DAG1: variants seen among roughly 807,000 people sequenced by gnomAD.
DAG1 encodes the protein dystroglycan 1 (dystrophin-associated glycoprotein 1).
DAG1 carries 8 observed loss-of-function variants against 46.1 expected under a neutral mutation model. The observed-to-expected ratio is 0.17, with a 90% CI of 0.10 to 0.31. DAG1 has a LOEUF of 0.31. Ranked by LOEUF, DAG1 falls within the 10% of genes least tolerant of loss-of-function variation. The probability of loss-of-function intolerance (pLI) is 1.00; values close to 1 mark genes in which losing one functional copy is unlikely to be tolerated. For missense variants in DAG1, 1,003 were observed against 1,189.9 expected (o/e 0.84, Z 2.31); for synonymous variants, 495 against 481.8 (o/e 1.03, Z -0.36).
At chr3:49,489,886 G>T (rs1303352606) in intron 1 of DAG1, among the ~76,000 whole-genome samples, 1 of 151,856 alleles carries the variant, frequency 6.6e-6, no homozygotes, top group Admixed American at 6.6e-5. Context: ...TGGACAAAGC[G>T]CTGGGGTTTG....
Position 49,522,475 on chromosome 3 carries a change from C to CT in DAG1, c.286-8308dup, listed in dbSNP as rs35370244. On this transcript the variant is annotated intron_variant, in intron 2 of 2. Coordinates refer to ENST00000308775, the MANE Select transcript of DAG1 (RefSeq NM_004393.6). ...CACCACGCCCGCCCCCCTCCCACCC[C>CT]TTTTTTTTTTTTTTAAGACTGCATC... Among the ~76,000 whole-genome samples, 401 of 132,084 alleles carry CT rather than the reference C, an allele frequency of 3.0e-3. 1 individual carries two copies. Among genetic ancestry groups the CT allele is most frequent in the African/African-American group, 7.3e-3 (265 of 36,524 alleles). 86.7% of individuals were successfully genotyped at this position (132,084 alleles called of 152,430 possible). A position where few individuals can be genotyped will look rare whatever the true frequency, so the allele number is the denominator to read the frequency against.
intron 2 of DAG1, among the ~76,000 whole-genome samples, chr3:49,521,348 G>A (rs963294028): frequency 6.6e-6 from 1 of 152,052 alleles, no homozygotes; most frequent in Non-Finnish European, 1.5e-5. Flanking sequence ...TGTATTTTTA[G>A]TAGAGACGGG....
At chr3:49,503,961 T>C (rs1475300022) in intron 1 of DAG1, among the ~76,000 whole-genome samples, 1 of 152,236 alleles carries the variant, frequency 6.6e-6, no homozygotes, top group African/African-American at 2.4e-5. Context: ...AATTCACAGT[T>C]GTTAGAAGAG....
chr3:49,477,550 C>G (rs1233172210), intron 1 of DAG1, among the ~76,000 whole-genome samples: 1 of 152,200 alleles, frequency 6.6e-6, no homozygotes. Context: ...GCCTCAGCCT[C>G]TCAAAGTGCT....
chr3:49,488,634 A>G (rs2050101999), intron 1 of DAG1: 3 of 151,698 alleles, frequency 2.0e-5, no homozygotes, highest in Admixed American at 2.0e-4. Flanking sequence ...AGGGATTCTC[A>G]TTCTGTCTCC....
intron 2 of DAG1, among the ~76,000 whole-genome samples, chr3:49,516,954 GAC>G (rs1400812305): frequency 6.6e-6 from 1 of 151,350 alleles, no homozygotes; most frequent in Non-Finnish European, 1.5e-5. Flanking sequence ...AGCTTGTAGG[GAC>G]AGAGTTAGTT....
intron 2 of DAG1, among the ~76,000 whole-genome samples, chr3:49,529,037 GATGGGGTT>G (rs1221772431): frequency 6.6e-6 from 1 of 152,052 alleles, no homozygotes; most frequent in Non-Finnish European, 1.5e-5. Flanking sequence ...TTTTAGTAGA[GATGGGGTT>G]TCGCCGTGTT....
intron 2 of DAG1, among the ~76,000 whole-genome samples, chr3:49,518,265 G>C (rs970651255): frequency 2.0e-5 from 3 of 152,206 alleles, no homozygotes; most frequent in African/African-American, 7.2e-5. Flanking sequence ...CATACTTGCT[G>C]ATTGGTTAGG....
At chr3:49,495,291 A>G (rs2050282330) in intron 1 of DAG1, among the ~76,000 whole-genome samples, 1 of 152,210 alleles carries the variant, frequency 6.6e-6, no homozygotes, top group Non-Finnish European at 1.5e-5. Flanking sequence ...ATGTATTAGT[A>G]TAAATACTTG....
chr3:49,501,015 G>A (rs2050435462), intron 1 of DAG1, among the ~76,000 whole-genome samples: 1 of 152,140 alleles, frequency 6.6e-6, no homozygotes, highest in African/African-American at 2.4e-5. Flanking sequence ...TAGGAAGCCA[G>A]CATCAGAAAG....
At chr3:49,484,073 A>G (rs2049952818) in intron 1 of DAG1, among the ~76,000 whole-genome samples, 1 of 152,176 alleles carries the variant, frequency 6.6e-6, no homozygotes, top group African/African-American at 2.4e-5. Context: ...CTAAAAATAG[A>G]ATTCATTAAA....
chr3:49,491,028 A>G (rs1373675327), intron 1 of DAG1, among the ~76,000 whole-genome samples: 2 of 151,562 alleles, frequency 1.3e-5, no homozygotes, highest in African/African-American at 4.9e-5. Flanking sequence ...CTGGGACTAC[A>G]GGCGCGCACT....
At chr3:49,504,924 TATTC>T (rs1234614319) in intron 1 of DAG1, among the ~76,000 whole-genome samples, 1 of 151,046 alleles carries the variant, frequency 6.6e-6, no homozygotes, top group Admixed American at 6.6e-5. Context: ...TTCCCTATTA[TATTC>T]CATTGGTCTA....
rs754748374 is a variant in DAG1, at chr3:49,510,818, A to G, written c.284A>G (p.Lys95Arg). The change falls in exon 2 of 3, where the codon AAG becomes AGG. Residue 95 changes from lysine (K) to arginine (R), a missense_variant and splice_region_variant. Physicochemically the swap from Lys to Arg is conservative, Grantham distance 26. Around this residue, in one of 3 missense-constraint regions of DAG1, gnomAD observed 196 missense variants for 239.1 expected, o/e 0.82. Coordinates refer to ENST00000308775, the MANE Select transcript of DAG1 (RefSeq NM_004393.6). ...DLIASSGDII[K>R]VSAAGKEALP... ...ATTGCCTCCAGTGGAGATATCATCA[A>G]GGTGAGACTGGATATAAAGCATAAA... 10 of 1,614,150 alleles carry G rather than the reference A, an allele frequency of 6.2e-6. No individual in the cohort carries two copies. Among genetic ancestry groups the G allele is most frequent in the South Asian group, 1.1e-5 (1 of 91,056 alleles).
At chr3:49,529,899 A>G (rs1318253492) in intron 2 of DAG1, among the ~76,000 whole-genome samples, 1 of 152,166 alleles carries the variant, frequency 6.6e-6, no homozygotes, top group East Asian at 1.9e-4. Context: ...CTCTGTGGAA[A>G]GGGACTTCCA....
Position 49,531,676 on chromosome 3 carries a change from C to T in DAG1, c.1165C>T (p.Arg389Trp), listed in dbSNP as rs761013011. The T allele has an allele frequency of 8.7e-6, 14 of 1,613,652 alleles. No individual in the cohort carries two copies. Among genetic ancestry groups the T allele is most frequent in the African/African-American group, 4.0e-5 (3 of 74,886 alleles). Residue 389 changes from arginine (R) to tryptophan (W), a missense_variant, in exon 3 of 3, where the codon CGG (arginine) becomes TGG (tryptophan). By Grantham distance (101) the Arg-to-Trp change is moderately radical. This residue lies in a region of DAG1 where 755 missense variants were observed against 854.1 expected (regional missense o/e 0.88). Coordinates refer to ENST00000308775, the MANE Select transcript of DAG1 (RefSeq NM_004393.6). This position sits in a 1 kb window ranked among gnomAD's most constrained non-coding sequence, Gnocchi z 7.0. Reference sequence around the variant, plus strand: ...AACCCTAGGCCCCATCCAGCCTACTCGGGTGTCAGAAGCTGGCACCACAGT... The same window carrying T: ...AACCCTAGGCCCCATCCAGCCTACTTGGGTGTCAGAAGCTGGCACCACAGT... Reference protein sequence around the residue: ...TPTLGPIQPTRVSEAGTTVPG... With the variant: ...TPTLGPIQPTWVSEAGTTVPG...
At position 49,531,246 on chromosome 3, in the gene DAG1, G is replaced by A. The variant is rs748164001; in HGVS notation, c.735G>A (p.Pro245=). 64 of 1,613,932 alleles carry A rather than the reference G, an allele frequency of 4.0e-5. No individual in the cohort carries two copies. The Middle Eastern group carries it at 1.3e-3, about 33-fold the overall frequency. ...LFDMSAFMAG[P]GNAKKVVENG... Reference sequence around the variant, plus strand: ...ACATGTCGGCCTTCATGGCTGGCCCGGGAAATGCAAAAAAGGTGGTGGAGA... The same window carrying A: ...ACATGTCGGCCTTCATGGCTGGCCCAGGAAATGCAAAAAAGGTGGTGGAGA... The change falls in exon 3 of 3, where the codon CCG becomes CCA. Residue 245 remains proline (P), a synonymous_variant. Transcript: ENST00000308775. This position sits in a 1 kb window ranked among gnomAD's most constrained non-coding sequence, Gnocchi z 7.0.
intron 2 of DAG1, among the ~76,000 whole-genome samples, chr3:49,520,648 C>T (rs1229664331): frequency 2.0e-5 from 3 of 152,160 alleles, no homozygotes; most frequent in Non-Finnish European, 4.4e-5. Context: ...AGGGCCCAGC[C>T]CACACCTTAA....
chr3:49,510,491 C>T lies in DAG1; in HGVS notation c.-44C>T. The T allele has an allele frequency of 6.3e-7, 1 of 1,598,062 alleles. No individual in the cohort carries two copies. Among genetic ancestry groups the T allele is most frequent in the Non-Finnish European group, 8.5e-7 (1 of 1,170,490 alleles). On this transcript the variant is annotated 5_prime_UTR_variant, in exon 2 of 3. Transcript: ENST00000308775. ...AGCTCTGGGACCAAGTCACTTGCTT[C>T]CTTACTTAGCAAGACTATCGACTTG... is the stretch of plus-strand genomic sequence containing the variant.
Sources: gnomAD v4.1 joint callset for allele counts (sites outside exome capture counted in the v4.1 genomes callset) on GRCh38, gnomAD v4.1.1 for gene constraint, gnomAD v4.1.1 regional missense constraint, Gnocchi (gnomAD v3.1) non-coding constraint, MANE v1.5 for transcripts, NCBI Gene and HGNC (gene_info 2026-07-23, HGNC 2026-07-21) for gene names.